The following NKAIN3 variants were observed in gnomAD, a reference collection of about 807,000 sequenced individuals.
NKAIN3 encodes the protein sodium/potassium-transporting ATPase subunit beta-1-interacting protein 3.
In NKAIN3, 25 loss-of-function variants were observed where a neutral mutation model predicts 30.2. That is an observed-to-expected ratio of 0.83 (90% CI 0.60 to 1.16). NKAIN3 has a LOEUF of 1.16. Among genes scored for constraint, NKAIN3 ranks in the 50% most tolerant of loss-of-function variants. The pLI, the probability that NKAIN3 is intolerant of heterozygous loss-of-function variation, is 0.00. For synonymous variants in NKAIN3, 91 were observed against 89.6 expected, an observed-to-expected ratio of 1.02 and a Z score of -0.09; for missense variants, 225 against 254.1, an observed-to-expected ratio of 0.89 and a Z score of 0.78.
chr8:62,758,270 G>A (rs1288564899), intron 4 of NKAIN3, among the ~76,000 whole-genome samples: 1 of 152,142 alleles, frequency 6.6e-6, no homozygotes, highest in Non-Finnish European at 1.5e-5. Context: ...AATAAAACTT[G>A]TGACCCTAGA....
intron 4 of NKAIN3, among the ~76,000 whole-genome samples, chr8:62,897,059 G>A (rs1391967747): frequency 6.6e-6 from 1 of 152,126 alleles, no homozygotes; most frequent in Non-Finnish European, 1.5e-5. Context: ...AAGGGAAAGA[G>A]TCTGTGCAAA....
chr8:62,790,714 GA>G (rs1321646057), intron 4 of NKAIN3, among the ~76,000 whole-genome samples: 10 of 152,006 alleles, frequency 6.6e-5, no homozygotes, highest in Non-Finnish European at 1.3e-4. Flanking sequence ...AAACAAAACA[GA>G]TGTGGTCTTG....
At chr8:62,497,671 T>A (rs1807286010) in intron 1 of NKAIN3, among the ~76,000 whole-genome samples, 1 of 152,000 alleles carries the variant, frequency 6.6e-6, no homozygotes, top group African/African-American at 2.4e-5. Context: ...CTAGGAGTGA[T>A]CCAAAACATC....
At chr8:62,353,879 G>C (rs1044775458) in intron 1 of NKAIN3, among the ~76,000 whole-genome samples, 2 of 152,042 alleles carry the variant, frequency 1.3e-5, no homozygotes, top group African/African-American at 2.4e-5. Context: ...GATTTCACAG[G>C]CATGATGTTA....
chr8:62,648,342 G>A (rs16929353), intron 3 of NKAIN3, among the ~76,000 whole-genome samples: 59,920 of 151,736 alleles, frequency 0.39, 12,767 homozygotes, highest in East Asian at 0.66. Context: ...AATGTGTGTC[G>A]GGAGAAATGA....
rs187789342 is a variant in NKAIN3 at position 62,359,640 on chromosome 8, A to G, written c.54+110513A>G. 2.1e-3 allele frequency among the ~76,000 whole-genome samples: 323 copies of G among 152,332 alleles called. 2 individuals are homozygous for G. The highest frequency in any genetic ancestry group is 6.8e-3 in the African/African-American group (283 of 41,584). ...AGCTCATTCCACTACTATGAAGAGT[A>G]CTAAGAATTAGACAAGAGCCAGAAC... On this transcript the variant is annotated intron_variant, in intron 1 of 6. Transcript: ENST00000623646.
chr8:62,684,774 A>G (rs1190013654), intron 3 of NKAIN3, among the ~76,000 whole-genome samples: 3 of 152,300 alleles, frequency 2.0e-5, no homozygotes, highest in Admixed American at 6.5e-5. Context: ...CTAATCCACC[A>G]TGATTGATGC....
At position 62,919,227 on chromosome 8, in the gene NKAIN3, A is replaced by ATTTTTTTT. The variant is rs71255371; in HGVS notation, c.532+742_532+749dup. On this transcript the variant is annotated intron_variant, in intron 5 of 6. Transcript: ENST00000623646. ...TCACTTTTTTTTATTTACTTTCAAA[A>ATTTTTTTT]TTTTTTTTTTTTTTTTTTTTTTTTT... Among the ~76,000 whole-genome samples, 362 of 47,208 alleles carry ATTTTTTTT rather than the reference A, an allele frequency of 7.7e-3. 48 individuals carry two copies. The highest frequency in any genetic ancestry group is 0.045 in the Middle Eastern group (1 of 22). The allele number at this position is 47,208 out of a possible 152,430, so 31.0% of individuals were successfully genotyped here.
At chr8:62,368,216 AAC>A (rs1284357250) in intron 1 of NKAIN3, among the ~76,000 whole-genome samples, 1 of 152,166 alleles carries the variant, frequency 6.6e-6, no homozygotes, top group Admixed American at 6.5e-5. Flanking sequence ...AAATAGAAAG[AAC>A]ACTTCTAAAA....
At chr8:62,820,617 A>G (rs1212529369) in intron 4 of NKAIN3, among the ~76,000 whole-genome samples, 1 of 152,180 alleles carries the variant, frequency 6.6e-6, no homozygotes, top group African/African-American at 2.4e-5. Context: ...TTGTAGAATG[A>G]GAAGACCGAA....
At chr8:62,380,957 A>C (rs1007287081) in intron 1 of NKAIN3, among the ~76,000 whole-genome samples, 3 of 152,192 alleles carry the variant, frequency 2.0e-5, no homozygotes, top group Non-Finnish European at 2.9e-5. Flanking sequence ...GTGAAGCACA[A>C]ATGGGGACTT....
chr8:62,717,597 A>T (rs1379485822), intron 3 of NKAIN3, among the ~76,000 whole-genome samples: 1 of 152,188 alleles, frequency 6.6e-6, no homozygotes, highest in Non-Finnish European at 1.5e-5. Context: ...ATTAATGTTT[A>T]AAAGTGTTCA....
intron 1 of NKAIN3, among the ~76,000 whole-genome samples, chr8:62,259,702 A>G (rs939808869): frequency 3.3e-5 from 5 of 152,198 alleles, no homozygotes. Flanking sequence ...AGGAGAATAG[A>G]TATTTTAAGA....
intron 1 of NKAIN3, among the ~76,000 whole-genome samples, chr8:62,262,488 G>A (rs943193445): frequency 1.3e-5 from 2 of 152,256 alleles, no homozygotes; most frequent in Admixed American, 1.3e-4. Context: ...TCTTTTTGAT[G>A]TCTGTTGGGA....
rs376700044 is a variant in NKAIN3, at chr8:62,892,526, T to C, written c.472-25927T>C. 1.1e-4 allele frequency among the ~76,000 whole-genome samples: 16 copies of C among 152,310 alleles called. 1 individual carries two copies. In the East Asian group the frequency reaches 2.3e-3, roughly 22 times the overall value. On this transcript the variant is annotated intron_variant, in intron 4 of 6. Transcript: ENST00000623646. ...ACCCTAGTGAAATGCTGAAATCACA[T>C]GTTTGAAAATACAGATACAAACATA...
At chr8:62,999,331 A>G (rs1325305220) in exon 6 of NKAIN3, 2 of 152,228 alleles carry the variant, frequency 1.3e-5, no homozygotes, top group Admixed American at 1.3e-4. Context: ...GGCACATCAC[A>G]TAGCAAGAGT....
At chr8:62,288,253 T>A (rs552605230) in intron 1 of NKAIN3, among the ~76,000 whole-genome samples, 41 of 152,334 alleles carry the variant, frequency 2.7e-4, no homozygotes, top group African/African-American at 8.7e-4. Flanking sequence ...TTATCTTTTT[T>A]AATTATACTT....
chr8:62,898,928 T>C (rs192513640), intron 4 of NKAIN3, among the ~76,000 whole-genome samples: 5 of 149,246 alleles, frequency 3.4e-5, no homozygotes, highest in Non-Finnish European at 7.4e-5. Context: ...AAGATCTGAA[T>C]AGATATTTCT....
At chr8:62,857,061 G>C (rs749466159) in intron 4 of NKAIN3, 2 of 489,046 alleles carry the variant, frequency 4.1e-6, no homozygotes, top group Non-Finnish European at 8.2e-6. Context: ...CCTCAGTTTT[G>C]TAATACGACT....
Sources: allele counts gnomAD v4.1 joint callset (sites outside exome capture counted in the v4.1 genomes callset), GRCh38; gene constraint gnomAD v4.1.1; transcripts MANE v1.5; gene names NCBI Gene and HGNC (gene_info 2026-07-23, HGNC 2026-07-21).